Variants in ZBTB38 observed in about 807,000 individuals in gnomAD.
ZBTB38 encodes the protein zinc finger and BTB domain-containing protein 38.
Under a neutral mutation model 76.8 loss-of-function variants are expected in ZBTB38, and 20 were observed. The ratio of observed to expected loss-of-function variants is 0.26; its 90% CI spans 0.18 to 0.38. The LOEUF is 0.38. ZBTB38 is among the 10% of genes least tolerant of loss of function. ZBTB38 has a pLI of 1.00. For missense variants in ZBTB38, 1,082 were observed against 1,482.3 expected (o/e 0.73, Z 4.43); for synonymous variants, 504 against 544.2 (o/e 0.93, Z 1.03).
At position 141,413,803 on chromosome 3, in the gene ZBTB38, G is replaced by A. The variant is rs1325855116; in HGVS notation, c.-1+9772G>A. Among the ~76,000 whole-genome samples, 1 of 152,202 alleles carries A rather than the reference G, an allele frequency of 6.6e-6. No homozygotes were observed. Among genetic ancestry groups the A allele is most frequent in the Non-Finnish European group, 1.5e-5 (1 of 68,032 alleles). On this transcript the variant is annotated intron_variant, in intron 5 of 5. Coordinates refer to ENST00000321464, the MANE Select transcript of ZBTB38 (RefSeq NM_001376113.1). This position sits in a 1 kb window ranked among gnomAD's most constrained non-coding sequence, Gnocchi z 4.1. ...AGCTTGAACAGACTTTATCATTAATGTGACTGACTGGAGCAAAGTGAAGAG... is the reference window on the plus strand; with the variant it reads ...AGCTTGAACAGACTTTATCATTAATATGACTGACTGGAGCAAAGTGAAGAG...
At chr3:141,400,243 G>C (rs1438914051) in intron 4 of ZBTB38, among the ~76,000 whole-genome samples, 1 of 152,162 alleles carries the variant, frequency 6.6e-6, no homozygotes, top group Non-Finnish European at 1.5e-5. Flanking sequence ...GTAATTTTTA[G>C]ACTGTGTTGT....
chr3:141,406,341 C>T (rs1210590857), intron 5 of ZBTB38, among the ~76,000 whole-genome samples: 2 of 151,904 alleles, frequency 1.3e-5, no homozygotes, highest in Non-Finnish European at 2.9e-5. Context: ...AAAAGAGGGG[C>T]AGAAAAGGCC....
chr3:141,431,341 A>ATATATATATATATAT (rs1553771300), intron 5 of ZBTB38, among the ~76,000 whole-genome samples: 1 of 103,296 alleles, frequency 9.7e-6, no homozygotes, highest in African/African-American at 6.0e-5. Context: ...AAAAAAAAAA[A>ATATATATATATATAT]ATATATATAT....
At chr3:141,339,845 G>T (rs4683602) in intron 1 of ZBTB38, among the ~76,000 whole-genome samples, 1 of 152,076 alleles carries the variant, frequency 6.6e-6, no homozygotes, top group Non-Finnish European at 1.5e-5. Context: ...AAAAGAGTCC[G>T]GGCTAGAGAT....
intron 1 of ZBTB38, among the ~76,000 whole-genome samples, chr3:141,340,958 G>GAAAAGAAAAGAAAAGAAAAGAAAAGA (rs759769152): frequency 3.2e-5 from 2 of 62,406 alleles, no homozygotes; most frequent in African/African-American, 1.1e-4. Flanking sequence ...AGGAAAGAAA[G>GAAAAGAAAAGAAAAGAAAAGAAAAGA]AAAGAAAGAA....
In ZBTB38 at chr3:141,351,681, C is replaced by T. The variant is rs573666758; in HGVS notation, c.-738-16940C>T. On this transcript the variant is annotated intron_variant, in intron 1 of 7. Transcript: ENST00000509842. ...CTGGGAGTTAGCTGTAATCATTCCA[C>T]TGCACTCCAGCCTGGGTAACAGAGC... Among the ~76,000 whole-genome samples the T allele has an allele frequency of 2.1e-5, 3 of 145,478 alleles. No homozygotes were observed. In the East Asian group the frequency reaches 5.9e-4, roughly 29 times the overall value.
At chr3:141,363,696 T>C (rs1943880042), upstream of ZBTB38, among the ~76,000 whole-genome samples, 1 of 152,162 alleles carries the variant, frequency 6.6e-6, no homozygotes, top group African/African-American at 2.4e-5. Flanking sequence ...AACTCTTTAT[T>C]TTAGAATAGT....
At chr3:141,401,183 C>T (rs1350618122) in intron 4 of ZBTB38, among the ~76,000 whole-genome samples, 2 of 152,154 alleles carry the variant, frequency 1.3e-5, no homozygotes, top group African/African-American at 4.8e-5. Flanking sequence ...TATACAAAAA[C>T]ATTGCAGGTT....
intron 4 of ZBTB38, chr3:141,389,977 C>T (rs2149316675): frequency 6.6e-6 from 1 of 152,114 alleles, no homozygotes; most frequent in South Asian, 2.1e-4. Flanking sequence ...CTTAGTCTTG[C>T]CTAAAAGAAT....
chr3:141,377,027 A>G (rs1230605834), intron 2 of ZBTB38, among the ~76,000 whole-genome samples: 1 of 152,172 alleles, frequency 6.6e-6, no homozygotes, highest in Admixed American at 6.5e-5. Context: ...GGCCAAAGCT[A>G]CAGGAAGACC....
intron 1 of ZBTB38, among the ~76,000 whole-genome samples, chr3:141,351,719 C>CTTTTTTTTTTTTTTTTTTTTTTTTTTT (rs1447640894): frequency 1.0e-5 from 1 of 97,036 alleles, no homozygotes; most frequent in Non-Finnish European, 1.8e-5. Context: ...GACTCTGTCT[C>CTTTTTTTTTTTTTTTTTTTTTTTTTTT]TTAAAAAAAA....
In ZBTB38 at chr3:141,370,850, A is replaced by G. The variant is rs975489986; in HGVS notation, c.-235+904A>G. ...ATTGTGACAGAATTCTGCTCCCCCA[A>G]CTATGAGCCCCAGTGGTCTATAGGA... is the stretch of plus-strand genomic sequence containing the variant. On this transcript the variant is annotated intron_variant, in intron 2 of 5. Transcript: ENST00000321464. 2.0e-5 allele frequency among the ~76,000 whole-genome samples: 3 copies of G among 151,892 alleles called. No homozygotes were observed. The East Asian group carries it at 5.8e-4, about 29-fold the overall frequency.
Position 141,421,374 on chromosome 3 carries a change from G to A in ZBTB38, c.-1+17343G>A, listed in dbSNP as rs184118394. ...ACTCTTGGCCTTAAACAGTCTTCCCGCCTCAGCCTCCCAAAGTGCTAGGAT... is the reference window on the plus strand; with the variant it reads ...ACTCTTGGCCTTAAACAGTCTTCCCACCTCAGCCTCCCAAAGTGCTAGGAT... On this transcript the variant is annotated intron_variant, in intron 5 of 5. Coordinates refer to ENST00000321464, the MANE Select transcript of ZBTB38 (RefSeq NM_001376113.1). 1.4e-4 allele frequency among the ~76,000 whole-genome samples: 20 copies of A among 147,236 alleles called. No homozygotes were observed. The East Asian group carries it at 3.5e-3, about 26-fold the overall frequency.
chr3:141,371,200 G>A (rs1944554431), intron 2 of ZBTB38, among the ~76,000 whole-genome samples: 1 of 150,954 alleles, frequency 6.6e-6, no homozygotes, highest in Non-Finnish European at 1.5e-5. Context: ...CTGCAGGCAC[G>A]CACCACCACA....
intron 1 of ZBTB38, among the ~76,000 whole-genome samples, chr3:141,346,277 T>C (rs960095811): frequency 1.3e-5 from 2 of 152,196 alleles, no homozygotes; most frequent in Non-Finnish European, 2.9e-5. Flanking sequence ...TTAACACTCC[T>C]GGTGATTAGC....
chr3:141,342,222 G>A (rs1943218401), intron 1 of ZBTB38, among the ~76,000 whole-genome samples: 1 of 151,960 alleles, frequency 6.6e-6, no homozygotes, highest in Non-Finnish European at 1.5e-5. Context: ...CTACTCAGGA[G>A]GCTGAGGCAG....
At chr3:141,431,051 G>A (rs1294390114) in intron 5 of ZBTB38, among the ~76,000 whole-genome samples, 6 of 151,944 alleles carry the variant, frequency 3.9e-5, no homozygotes, top group African/African-American at 1.5e-4. Context: ...GGCCAGGCAC[G>A]GTGGCTCACA....
At chr3:141,329,063 G>C (rs1483284914) in intron 1 of ZBTB38, among the ~76,000 whole-genome samples, 3 of 152,046 alleles carry the variant, frequency 2.0e-5, no homozygotes, top group African/African-American at 7.2e-5. Flanking sequence ...TGGCTAGTCT[G>C]AATACTACAA....
Position 141,443,464 on chromosome 3 carries a change from C to T in ZBTB38, c.1076C>T (p.Ala359Val). The T allele has an allele frequency of 6.2e-7, 1 of 1,614,180 alleles. No homozygotes were observed. Among genetic ancestry groups the T allele is most frequent in the Non-Finnish European group, 8.5e-7 (1 of 1,180,038 alleles). The change falls in exon 6 of 6, where the codon GCC (alanine) becomes GTC (valine). Residue 359 changes from alanine (A) to valine (V), a missense_variant. Physicochemically the swap from Ala to Val is moderately conservative, Grantham distance 64. Transcript: ENST00000321464. This position sits in a 1 kb window ranked among gnomAD's most constrained non-coding sequence, Gnocchi z 5.6. ...TTTGACAGCAGCACTCTGCTCAGTG[C>T]CCACATGCAGCTTCACAAGCCAACC... ...KAFDSSTLLS[A>V]HMQLHKPTQE...
Sources: gnomAD v4.1 joint callset for allele counts (sites outside exome capture counted in the v4.1 genomes callset) on GRCh38, gnomAD v4.1.1 for gene constraint, Gnocchi (gnomAD v3.1) non-coding constraint, MANE v1.5 for transcripts, NCBI Gene and HGNC (gene_info 2026-07-23, HGNC 2026-07-21) for gene names.